The following SUGCT variants were observed in gnomAD, a reference collection of about 807,000 sequenced individuals.
SUGCT encodes the protein succinyl-CoA:glutarate-CoA transferase.
In SUGCT, 41 loss-of-function variants were observed where a neutral mutation model predicts 55.0. The observed-to-expected ratio is 0.74, with a 90% CI of 0.58 to 0.97. The LOEUF is 0.97. Among genes scored for constraint, SUGCT ranks in the 50% least tolerant of loss-of-function variants. SUGCT has a pLI of 0.00. For synonymous variants in SUGCT, 187 were observed against 200.4 expected, an observed-to-expected ratio of 0.93 and a Z score of 0.56; for missense variants, 568 against 547.8, an observed-to-expected ratio of 1.04 and a Z score of -0.37.
chr7:40,963,034 G>C, the SUGCT span, among the ~76,000 whole-genome samples: 1 of 152,036 alleles, frequency 6.6e-6, no homozygotes, highest in Non-Finnish European at 1.5e-5. Flanking sequence ...CTTTTTCTGG[G>C]AATTGCATAT....
chr7:40,241,124 C>T (rs1417539634), intron 7 of SUGCT, among the ~76,000 whole-genome samples: 1 of 152,038 alleles, frequency 6.6e-6, no homozygotes, highest in Non-Finnish European at 1.5e-5. Context: ...TTATTATATG[C>T]AAATATATTT....
chr7:40,520,854 C>A (rs942385314), intron 12 of SUGCT, among the ~76,000 whole-genome samples: 1 of 152,046 alleles, frequency 6.6e-6, no homozygotes, highest in Non-Finnish European at 1.5e-5. Context: ...GGTGGCAGAA[C>A]AAAGAATGGA....
chr7:40,174,387 G>A (rs1433101554), intron 1 of SUGCT, among the ~76,000 whole-genome samples: 1 of 152,018 alleles, frequency 6.6e-6, no homozygotes, highest in African/African-American at 2.4e-5. Flanking sequence ...AGCTTCTCAA[G>A]TAGGTAGGGC....
At chr7:40,304,065 AAG>A in intron 8 of SUGCT, among the ~76,000 whole-genome samples, 1 of 151,944 alleles carries the variant, frequency 6.6e-6, no homozygotes. Flanking sequence ...AAAAAAAAAA[AAG>A]AATGATGTTG....
chr7:40,186,550 G>A (rs931464408), intron 3 of SUGCT, among the ~76,000 whole-genome samples: 1 of 152,054 alleles, frequency 6.6e-6, no homozygotes, highest in African/African-American at 2.4e-5. Context: ...TGAGCCACCG[G>A]ATCTGGCCTG....
intron 11 of SUGCT, among the ~76,000 whole-genome samples, chr7:40,480,618 T>C (rs1790975909): frequency 6.6e-6 from 1 of 152,228 alleles, no homozygotes; most frequent in South Asian, 2.1e-4. Flanking sequence ...ATACTCATTT[T>C]ATTGATATTA....
intron 12 of SUGCT, among the ~76,000 whole-genome samples, chr7:40,528,112 G>C (rs935585957): frequency 6.6e-6 from 1 of 152,158 alleles, no homozygotes; most frequent in Non-Finnish European, 1.5e-5. Flanking sequence ...TTTGTAAAAT[G>C]AAGATAATAA....
intron 1 of SUGCT, among the ~76,000 whole-genome samples, chr7:40,167,596 T>G (rs894342846): frequency 4.6e-5 from 7 of 152,334 alleles, no homozygotes; most frequent in African/African-American, 1.4e-4. Context: ...GGCCATGCAG[T>G]GAGTGTTATA....
At chr7:40,843,784 GA>G (rs1308293074) in intron 13 of SUGCT, among the ~76,000 whole-genome samples, 2 of 152,112 alleles carry the variant, frequency 1.3e-5, no homozygotes, top group East Asian at 1.9e-4. Context: ...CGCCTATTGT[GA>G]AGAGCAAGGG....
intron 13 of SUGCT, among the ~76,000 whole-genome samples, chr7:40,848,422 G>C (rs929024663): frequency 9.2e-5 from 14 of 152,084 alleles, no homozygotes; most frequent in Non-Finnish European, 1.8e-4. Flanking sequence ...TCTATGGCTC[G>C]TGTTTTTCCT....
At chr7:40,415,519 T>A (rs1199403908) in intron 9 of SUGCT, among the ~76,000 whole-genome samples, 1 of 151,930 alleles carries the variant, frequency 6.6e-6, no homozygotes, top group Non-Finnish European at 1.5e-5. Context: ...ATTTTTTATC[T>A]AATCAAATAT....
chr7:40,977,445 C>T, the SUGCT span, among the ~76,000 whole-genome samples: 2 of 152,120 alleles, frequency 1.3e-5, no homozygotes, highest in African/African-American at 2.4e-5. Flanking sequence ...TGAGTCTTTG[C>T]GAATTTGCAA....
the SUGCT span, among the ~76,000 whole-genome samples, chr7:40,949,277 C>A: frequency 6.6e-6 from 1 of 152,244 alleles, no homozygotes; most frequent in Middle Eastern, 3.4e-3. Flanking sequence ...CTGTTCATAT[C>A]CTTTGCCCAC....
intron 7 of SUGCT, among the ~76,000 whole-genome samples, chr7:40,260,851 G>C (rs1443766916): frequency 6.6e-6 from 1 of 151,512 alleles, no homozygotes; most frequent in Non-Finnish European, 1.5e-5. Context: ...GGCTGGTCTT[G>C]AACTCCTGAC....
intron 6 of SUGCT, among the ~76,000 whole-genome samples, chr7:40,221,961 T>A (rs1442748493): frequency 6.6e-6 from 1 of 152,250 alleles, no homozygotes; most frequent in African/African-American, 2.4e-5. Context: ...GATTCACGCC[T>A]GAGATATTTA....
At chr7:40,159,370 TGTC>T (rs1392716803) in intron 1 of SUGCT, among the ~76,000 whole-genome samples, 1 of 152,052 alleles carries the variant, frequency 6.6e-6, no homozygotes, top group Admixed American at 6.6e-5. Context: ...TTTTAATTGT[TGTC>T]GTTGTTTGTT....
chr7:40,482,755 TACGTCTGAACTGTGAATGATTAGTATGGA>T (rs752131609), intron 11 of SUGCT, among the ~76,000 whole-genome samples: 2 of 152,224 alleles, frequency 1.3e-5, no homozygotes, highest in Non-Finnish European at 2.9e-5. Context: ...AAAAACAGTT[TACGTCTGAACTGTGAATGATTAGTATGGA>T]CGAGAATTGT....
At chr7:40,648,227 A>G (rs893896639) in intron 12 of SUGCT, among the ~76,000 whole-genome samples, 1 of 152,226 alleles carries the variant, frequency 6.6e-6, no homozygotes, top group African/African-American at 2.4e-5. Context: ...ATATATATAC[A>G]TACATAATTA....
chr7:40,721,484 T>G (rs1325149186), intron 12 of SUGCT, among the ~76,000 whole-genome samples: 1 of 152,244 alleles, frequency 6.6e-6, no homozygotes, highest in Non-Finnish European at 1.5e-5. Flanking sequence ...AATGCTGCAA[T>G]GCATGGAATT....
Sources: allele counts gnomAD v4.1 joint callset (sites outside exome capture counted in the v4.1 genomes callset), GRCh38; gene constraint gnomAD v4.1.1; transcripts MANE v1.5; gene names NCBI Gene and HGNC (gene_info 2026-07-23, HGNC 2026-07-21).